Variants in CDH6 observed in about 807,000 individuals in gnomAD.
CDH6 encodes the protein cadherin 6, also known as cadherin-6.
CDH6 carries 31 observed loss-of-function variants against 78.0 expected under a neutral mutation model. That is an observed-to-expected ratio of 0.40 (90% CI 0.30 to 0.54). The LOEUF is 0.54. Ranked by LOEUF, CDH6 falls within the 20% of genes least tolerant of loss-of-function variation. CDH6 has a pLI of 0.56. For synonymous variants in CDH6, 376 were observed against 368.8 expected (o/e 1.02, Z -0.23); for missense variants, 724 against 975.9 (o/e 0.74, Z 3.44).
At position 31,297,277 on chromosome 5, in the gene CDH6, C is replaced by T. The variant is rs1367387257; in HGVS notation, c.524-12C>T. The T allele has an allele frequency of 5.0e-6, 8 of 1,608,144 alleles. No homozygotes were observed. Among genetic ancestry groups the T allele is most frequent in the Non-Finnish European group, 6.8e-6 (8 of 1,175,124 alleles). On this transcript the variant is annotated splice_polypyrimidine_tract_variant and intron_variant, in intron 3 of 11. Transcript: ENST00000265071. ...CTTGATGTGTTTTCAGTTTATATTT[C>T]TGTCATTACAGGTACATTTGTTGTC...
At position 31,323,396 on chromosome 5, in the gene CDH6, C is replaced by T. The variant is rs1485878901; in HGVS notation, c.*88C>T. 2.1e-6 allele frequency: 3 copies of T among 1,443,326 alleles called. No individual in the cohort carries two copies. Among genetic ancestry groups the T allele is most frequent in the Non-Finnish European group, 2.8e-6 (3 of 1,062,066 alleles). 89.4% of individuals were successfully genotyped at this position (1,443,326 alleles called of 1,614,324 possible). On this transcript the variant is annotated 3_prime_UTR_variant, in exon 12 of 12. Coordinates refer to ENST00000265071, the MANE Select transcript of CDH6 (RefSeq NM_004932.4). ...TTTATCCACTACTCCGTGAAGGCTTCTCTGTTCTACCCGTTCCAAAAGCCA... is the reference window on the plus strand; with the variant it reads ...TTTATCCACTACTCCGTGAAGGCTTTTCTGTTCTACCCGTTCCAAAAGCCA...
At chr5:31,252,328 G>GTGTGTGTGTGTGT (rs1554006112) in intron 1 of CDH6, among the ~76,000 whole-genome samples, 2,114 of 149,002 alleles carry the variant, frequency 0.014, 28 homozygotes, top group Admixed American at 0.035. Context: ...ATGTGTGTGT[G>GTGTGTGTGTGTGT]GTGTGTGTGT....
Position 31,326,680 on chromosome 5 carries a change from A to ATTTTTTTTTTTTTTTTTTTTTTT in CDH6, c.*3372_*3373insTTTTTTTTTTTTTTTTTTTTTTT, listed in dbSNP as rs750696655. 6 of 130,318 alleles carry ATTTTTTTTTTTTTTTTTTTTTTT rather than the reference A, an allele frequency of 4.6e-5. 1 individual carries two copies. Among genetic ancestry groups the ATTTTTTTTTTTTTTTTTTTTTTT allele is most frequent in the Non-Finnish European group, 6.5e-5 (4 of 61,680 alleles). 8.1% of individuals were successfully genotyped at this position (130,318 alleles called of 1,614,324 possible). A position where few individuals can be genotyped will look rare whatever the true frequency, so the allele number is the denominator to read the frequency against. ...CAAAGAGTTGTGCAGAAAATCTTAA[A>ATTTTTTTTTTTTTTTTTTTTTTT]ATTTTTTTTTTTTTTTTTTTTTTTT... On this transcript the variant is annotated 3_prime_UTR_variant, in exon 12 of 12. Transcript: ENST00000265071.
intron 6 of CDH6, among the ~76,000 whole-genome samples, chr5:31,302,852 GAGAAAGAA>G (rs1269429533): frequency 1.6e-5 from 2 of 125,130 alleles, no homozygotes; most frequent in Admixed American, 8.2e-5. Context: ...AAGAAAGAAA[GAGAAAGAA>G]AGGAAGAAAG....
intron 1 of CDH6, among the ~76,000 whole-genome samples, chr5:31,230,757 A>AGTATTT (rs1479824231): frequency 4.6e-5 from 7 of 152,224 alleles, no homozygotes; most frequent in African/African-American, 1.7e-4. Context: ...CAAACTCAAA[A>AGTATTT]TAATTCTAAA....
chr5:31,233,895 G>A (rs1042876833), intron 1 of CDH6, among the ~76,000 whole-genome samples: 7 of 152,074 alleles, frequency 4.6e-5, no homozygotes, highest in African/African-American at 9.7e-5. Context: ...CACTTGCTTC[G>A]AGTGTGTCTC....
intron 1 of CDH6, among the ~76,000 whole-genome samples, chr5:31,231,764 T>C (rs1374611340): frequency 6.6e-6 from 1 of 152,176 alleles, no homozygotes; most frequent in African/African-American, 2.4e-5. Flanking sequence ...AGGTCCCACG[T>C]CTCAATAATG....
In CDH6 at chr5:31,313,434, C is replaced by G; in HGVS notation, c.1370C>G (p.Thr457Arg). 1 of 1,613,988 alleles carries G rather than the reference C, an allele frequency of 6.2e-7. No individual in the cohort carries two copies. Among genetic ancestry groups the G allele is most frequent in the African/African-American group, 1.3e-5 (1 of 75,048 alleles). The change falls in exon 8 of 12, where the codon ACA (threonine) becomes AGA (arginine). Residue 457 changes from threonine (T) to arginine (R), a missense_variant. Physicochemically the swap from Thr to Arg is moderately conservative, Grantham distance 71 (BLOSUM62 -1). Transcript: ENST00000265071. ...GAAACACTGCTATGGCACAACATTA[C>G]AGTGATAGCAACAGAGATCAGTAAG... ...DRETLLWHNI[T>R]VIATEINNPK...
intron 8 of CDH6, among the ~76,000 whole-genome samples, chr5:31,315,040 G>C (rs548149500): frequency 6.6e-6 from 1 of 152,238 alleles, no homozygotes; most frequent in African/African-American, 2.4e-5. Flanking sequence ...CGGGGCCTTT[G>C]CATATACTGA....
In CDH6 at chr5:31,198,641, C is replaced by G. The variant is rs558482595; in HGVS notation, c.-129+4755C>G. Among the ~76,000 whole-genome samples the G allele has an allele frequency of 2.0e-5, 3 of 152,192 alleles. No homozygotes were observed. The East Asian group carries it at 5.8e-4, about 29-fold the overall frequency. ...AGAGAAAACAGCAAGAAAAAATTAA[C>G]TTGGGGAAGTGTCCAAGTGAGTGAA... On this transcript the variant is annotated intron_variant, in intron 1 of 11. Transcript: ENST00000265071.
intron 1 of CDH6, among the ~76,000 whole-genome samples, chr5:31,222,190 T>G (rs1741020624): frequency 6.6e-6 from 1 of 152,178 alleles, no homozygotes; most frequent in South Asian, 2.1e-4. Context: ...TCTAGGAATG[T>G]TTTAATATTG....
intron 2 of CDH6, among the ~76,000 whole-genome samples, chr5:31,269,484 T>C (rs1393855151): frequency 6.6e-6 from 1 of 152,190 alleles, no homozygotes; most frequent in African/African-American, 2.4e-5. Flanking sequence ...TTCTGGGCTT[T>C]CATTTCTTCA....
chr5:31,202,057 T>C (rs1740365028), intron 1 of CDH6, among the ~76,000 whole-genome samples: 1 of 152,178 alleles, frequency 6.6e-6, no homozygotes, highest in Non-Finnish European at 1.5e-5. Flanking sequence ...TCTAACTCTA[T>C]AAGCCGGAAC....
chr5:31,215,320 T>A (rs1016917049), intron 1 of CDH6, among the ~76,000 whole-genome samples: 26 of 152,100 alleles, frequency 1.7e-4, no homozygotes, highest in African/African-American at 6.3e-4. Flanking sequence ...ATCCACACCT[T>A]TAAGAATGCT....
chr5:31,263,985 T>C (rs1742277475), intron 1 of CDH6, among the ~76,000 whole-genome samples: 1 of 152,244 alleles, frequency 6.6e-6, no homozygotes. Context: ...ATAGATTCTA[T>C]GAATGAGTCC....
At chr5:31,245,899 CTTTT>C (rs71612205) in intron 1 of CDH6, among the ~76,000 whole-genome samples, 46 of 87,710 alleles carry the variant, frequency 5.2e-4, no homozygotes, top group East Asian at 4.8e-3. Context: ...CTCTCTCTCT[CTTTT>C]TTTTTTTTTT....
chr5:31,227,928 C>G (rs537159889), intron 1 of CDH6, among the ~76,000 whole-genome samples: 1 of 152,198 alleles, frequency 6.6e-6, no homozygotes, highest in African/African-American at 2.4e-5. Flanking sequence ...CAAAACAATA[C>G]AAACTTATTC....
chr5:31,257,396 C>G (rs988201694), intron 1 of CDH6, among the ~76,000 whole-genome samples: 10 of 152,186 alleles, frequency 6.6e-5, no homozygotes, highest in Non-Finnish European at 1.5e-4. Flanking sequence ...ATCTCCTGAC[C>G]TCGTGATCCA....
chr5:31,287,045 G>T (rs1743030661), intron 2 of CDH6, among the ~76,000 whole-genome samples: 1 of 152,110 alleles, frequency 6.6e-6, no homozygotes, highest in South Asian at 2.1e-4. Flanking sequence ...CTGAGTGTAA[G>T]TTGTCTAAGA....
Sources: gnomAD v4.1 joint callset for allele counts (sites outside exome capture counted in the v4.1 genomes callset) on GRCh38, gnomAD v4.1.1 for gene constraint, MANE v1.5 for transcripts, NCBI Gene and HGNC (gene_info 2026-07-23, HGNC 2026-07-21) for gene names.